The following FLRT2 variants were observed in gnomAD, a reference collection of about 807,000 sequenced individuals.
FLRT2 encodes leucine-rich repeat transmembrane protein FLRT2.
A neutral mutation model predicts 40.0 loss-of-function variants in FLRT2; 15 were observed. That is an observed-to-expected ratio of 0.38 (90% CI 0.25 to 0.58). The LOEUF (loss-of-function observed/expected upper bound fraction) is 0.58, where lower values mean the gene tolerates loss of function less well. Among genes scored for constraint, FLRT2 ranks in the 20% least tolerant of loss-of-function variants. The probability of loss-of-function intolerance (pLI) is 0.71; values close to 1 mark genes in which losing one functional copy is unlikely to be tolerated. For missense variants in FLRT2, 726 were observed against 840.0 expected, an observed-to-expected ratio of 0.86 and a Z score of 1.68; for synonymous variants, 380 against 336.8, an observed-to-expected ratio of 1.13 and a Z score of -1.41.
At chr14:85,551,941 T>G (rs747453153) in intron 1 of FLRT2, among the ~76,000 whole-genome samples, 8 of 152,196 alleles carry the variant, frequency 5.3e-5, no homozygotes, top group Non-Finnish European at 1.2e-4. Context: ...GAAAATGAAC[T>G]ACCAAAGGTC....
intron 1 of FLRT2, chr14:85,562,781 T>C (rs1272660114): frequency 6.6e-6 from 1 of 152,106 alleles, no homozygotes; most frequent in Non-Finnish European, 1.5e-5. Flanking sequence ...TGAAATCTAT[T>C]GAACAGTATA....
intron 1 of FLRT2, among the ~76,000 whole-genome samples, chr14:85,535,751 C>CT (rs1888607614): frequency 6.6e-6 from 1 of 152,092 alleles, no homozygotes; most frequent in Admixed American, 6.5e-5. Flanking sequence ...TTGCAAATAT[C>CT]TTTGACTGGA....
intron 1 of FLRT2, among the ~76,000 whole-genome samples, chr14:85,616,297 C>G (rs1893127735): frequency 7.2e-6 from 1 of 138,698 alleles, no homozygotes; most frequent in South Asian, 2.3e-4. Flanking sequence ...AGTATTCACA[C>G]AAACAGGGAA....
chr14:85,534,820 A>T (rs959755446), intron 1 of FLRT2, among the ~76,000 whole-genome samples: 1 of 151,848 alleles, frequency 6.6e-6, no homozygotes, highest in African/African-American at 2.4e-5. Context: ...AAAAGCAAAA[A>T]GATTCCAGCC....
intron 1 of FLRT2, among the ~76,000 whole-genome samples, chr14:85,605,401 A>G (rs1339325597): frequency 6.6e-6 from 1 of 152,234 alleles, no homozygotes; most frequent in Non-Finnish European, 1.5e-5. Context: ...AAACTTATAT[A>G]GTGTACATGT....
rs1220340120 is a variant in FLRT2 at position 85,590,683 on chromosome 14, T to TCTGCCTCCC, written c.-376-30454_-376-30446dup. On this transcript the variant is annotated intron_variant, in intron 1 of 1. Coordinates refer to ENST00000330753, the MANE Select transcript of FLRT2 (RefSeq NM_013231.6). The stretch of plus-strand genomic sequence containing the variant: ...GGTGCGGTCTCGGCTCACTGCAACC[T>TCTGCCTCCC]CTGCCTCCCCGGTTCAAGCAATTCT... Among the ~76,000 whole-genome samples the TCTGCCTCCC allele has an allele frequency of 2.0e-5, 3 of 152,182 alleles. 1 individual carries two copies. The highest frequency in any genetic ancestry group is 4.4e-5 in the Non-Finnish European group (3 of 68,046).
intron 1 of FLRT2, among the ~76,000 whole-genome samples, chr14:85,606,288 AAC>A (rs1892610088): frequency 6.6e-6 from 1 of 152,172 alleles, no homozygotes; most frequent in Admixed American, 6.5e-5. Context: ...AGGGTGTGAG[AAC>A]ACAGTGTTTT....
intron 1 of FLRT2, among the ~76,000 whole-genome samples, chr14:85,593,470 A>C (rs1753217093): frequency 9.7e-6 from 1 of 102,844 alleles, no homozygotes; most frequent in Non-Finnish European, 2.0e-5. Context: ...TATGATTGAA[A>C]CTCTGTTGAT....
Position 85,627,654 on chromosome 14 carries a change from G to A in FLRT2, c.*4157G>A, listed in dbSNP as rs1162887811. The A allele has an allele frequency of 6.0e-6, 1 of 166,934 alleles. No individual in the cohort carries two copies. The highest frequency in any genetic ancestry group is 2.4e-5 in the African/African-American group (1 of 41,396). The allele number at this position is 166,934 out of a possible 1,614,324, so 10.3% of individuals were successfully genotyped here. On this transcript the variant is annotated 3_prime_UTR_variant, in exon 2 of 2. Transcript: ENST00000330753. The stretch of plus-strand genomic sequence containing the variant: ...GAATGTAAGATTTATAATGTTTAAG[G>A]CAAGGTGAAGGCATTGCCAAGTGTG...
At chr14:85,612,986 G>A (rs1054949537) in intron 1 of FLRT2, among the ~76,000 whole-genome samples, 8 of 152,038 alleles carry the variant, frequency 5.3e-5, no homozygotes, top group African/African-American at 1.9e-4. Flanking sequence ...AGGGAAGTAG[G>A]CCTTGTTTAT....
chr14:85,543,757 G>T (rs546220230), intron 1 of FLRT2, among the ~76,000 whole-genome samples: 28 of 152,170 alleles, frequency 1.8e-4, no homozygotes, highest in Admixed American at 1.6e-3. Context: ...CATTTACCTA[G>T]AACATTATCG....
At chr14:85,613,536 A>G (rs548417404) in intron 1 of FLRT2, among the ~76,000 whole-genome samples, 3 of 152,348 alleles carry the variant, frequency 2.0e-5, no homozygotes, top group African/African-American at 7.2e-5. Context: ...CTGAAATATT[A>G]TCTCACTGAT....
intron 1 of FLRT2, among the ~76,000 whole-genome samples, chr14:85,577,758 T>C (rs1891184187): frequency 6.6e-6 from 1 of 151,984 alleles, no homozygotes; most frequent in South Asian, 2.1e-4. Flanking sequence ...GGCTAAGGTT[T>C]TTTGTAGACA....
Position 85,630,555 on chromosome 14 carries a change from G to A in FLRT2, c.*7058G>A, listed in dbSNP as rs1893842520. The A allele has an allele frequency of 6.6e-6, 1 of 152,080 alleles. No homozygotes were observed. The highest frequency in any genetic ancestry group is 2.4e-5 in the African/African-American group (1 of 41,420). 9.4% of individuals were successfully genotyped at this position (152,080 alleles called of 1,614,324 possible). A position where few individuals can be genotyped will look rare whatever the true frequency, so the allele number is the denominator to read the frequency against. ...GGTGCAGAATAAGAATGTTTTCCAG[G>A]AGAGTTAAATTTTGCTCATCAAAAA... On this transcript the variant is annotated 3_prime_UTR_variant, in exon 2 of 2. Transcript: ENST00000330753.
Position 85,640,507 on chromosome 14 carries a change from T to C in FLRT2, c.*17010T>C, listed in dbSNP as rs1365124652. ...ATTCATAGGAAAGCCACTGGGAGCC[T>C]TCTGGGAGCCAGAAGCAAATTAGGA... is the stretch of plus-strand genomic sequence containing the variant. On this transcript the variant is annotated 3_prime_UTR_variant, in exon 2 of 2. Coordinates refer to ENST00000330753, the MANE Select transcript of FLRT2 (RefSeq NM_013231.6). 2 of 152,296 alleles carry C rather than the reference T, an allele frequency of 1.3e-5. No individual in the cohort carries two copies. The highest frequency in any genetic ancestry group is 2.4e-5 in the African/African-American group (1 of 41,578). 9.4% of individuals were successfully genotyped at this position (152,296 alleles called of 1,614,324 possible).
Position 85,632,679 on chromosome 14 carries a change from C to T in FLRT2, c.*9182C>T, listed in dbSNP as rs1225606408. The T allele has an allele frequency of 6.6e-6, 1 of 151,868 alleles. No individual in the cohort carries two copies. Among genetic ancestry groups the T allele is most frequent in the Non-Finnish European group, 1.5e-5 (1 of 67,994 alleles). The allele number at this position is 151,868 out of a possible 1,614,324, so 9.4% of individuals were successfully genotyped here. A position where few individuals can be genotyped will look rare whatever the true frequency, so the allele number is the denominator to read the frequency against. ...CTATGTCATATCCCATATAAAAATACAGCATATATCATTTAAAGGTTCACA... is the reference window on the plus strand; with the variant it reads ...CTATGTCATATCCCATATAAAAATATAGCATATATCATTTAAAGGTTCACA... On this transcript the variant is annotated 3_prime_UTR_variant, in exon 2 of 2. Coordinates refer to ENST00000330753, the MANE Select transcript of FLRT2 (RefSeq NM_013231.6).
intron 1 of FLRT2, among the ~76,000 whole-genome samples, chr14:85,533,676 C>G (rs1262863657): frequency 6.6e-6 from 1 of 152,074 alleles, no homozygotes; most frequent in Non-Finnish European, 1.5e-5. Flanking sequence ...AGTGGCATGC[C>G]CGAACCCTGG....
At chr14:85,581,501 G>T (rs1274007321) in intron 1 of FLRT2, among the ~76,000 whole-genome samples, 1 of 152,138 alleles carries the variant, frequency 6.6e-6, no homozygotes, top group Admixed American at 6.5e-5. Context: ...TATGGCGGTT[G>T]TTCCCTTCCC....
At chr14:85,602,572 A>G (rs1338115225) in intron 1 of FLRT2, among the ~76,000 whole-genome samples, 3 of 152,354 alleles carry the variant, frequency 2.0e-5, no homozygotes, top group East Asian at 1.9e-4. Context: ...ATGGAGTTCT[A>G]TGCTCAGCAC....
Sources: gnomAD v4.1 joint callset for allele counts (sites outside exome capture counted in the v4.1 genomes callset) on GRCh38, gnomAD v4.1.1 for gene constraint, MANE v1.5 for transcripts, NCBI Gene and HGNC (gene_info 2026-07-23, HGNC 2026-07-21) for gene names.